Variants in VPS26A observed in about 807,000 individuals in gnomAD.
VPS26A encodes the protein VPS26 retromer complex component A.
In VPS26A, 22 loss-of-function variants were observed where a neutral mutation model predicts 42.4. The ratio of observed to expected loss-of-function variants is 0.52; its 90% CI spans 0.37 to 0.74. VPS26A has a LOEUF of 0.74. Ranked by LOEUF, VPS26A falls within the 30% of genes least tolerant of loss-of-function variation. The pLI is 0.00. For missense variants in VPS26A, 276 were observed against 379.2 expected, an observed-to-expected ratio of 0.73 and a Z score of 2.26; for synonymous variants, 110 against 123.5, an observed-to-expected ratio of 0.89 and a Z score of 0.73.
In VPS26A at chr10:69,124,258, A is replaced by T; in HGVS notation, c.-20A>T. ...AGGGAAGAGGAGTGGAGTAGGGGGG[A>T]CGCGGCGGCGGCGTTGACAATGGTG... On this transcript the variant is annotated 5_prime_UTR_variant, in exon 1 of 9. Coordinates refer to ENST00000263559, the MANE Select transcript of VPS26A (RefSeq NM_004896.5). The T allele has an allele frequency of 3.1e-6, 4 of 1,282,158 alleles. No individual in the cohort carries two copies. The highest frequency in any genetic ancestry group is 3.0e-6 in the Non-Finnish European group (3 of 1,009,124). The allele number at this position is 1,282,158 out of a possible 1,614,324, so 79.4% of individuals were successfully genotyped here.
chr10:69,149,593 C>T (rs1841245760), intron 2 of VPS26A, among the ~76,000 whole-genome samples: 1 of 151,974 alleles, frequency 6.6e-6, no homozygotes, highest in African/African-American at 2.4e-5. Context: ...TAGCCACAAA[C>T]TACTGAGCTC....
In VPS26A at chr10:69,173,202, A is replaced by G. The variant is rs1841854213; in HGVS notation, c.*1933A>G. ...GAAAAAGAAATTTGTGTCTTTAATGAAGAGTTACAATGTCTAATCCATTGG... is the reference window on the plus strand; with the variant it reads ...GAAAAAGAAATTTGTGTCTTTAATGGAGAGTTACAATGTCTAATCCATTGG... On this transcript the variant is annotated 3_prime_UTR_variant, in exon 9 of 9. Coordinates refer to ENST00000263559, the MANE Select transcript of VPS26A (RefSeq NM_004896.5). 2.6e-5 allele frequency among the ~76,000 whole-genome samples: 4 copies of G among 152,218 alleles called. No individual in the cohort carries two copies. Among genetic ancestry groups the G allele is most frequent in the Admixed American group, 2.6e-4 (4 of 15,288 alleles).
rs572025643 is a variant in VPS26A, at chr10:69,135,631, A to G, written c.153+2584A>G. 4.6e-5 allele frequency among the ~76,000 whole-genome samples: 7 copies of G among 152,254 alleles called. 1 individual carries two copies. Among genetic ancestry groups the G allele is most frequent in the African/African-American group, 1.7e-4 (7 of 41,572 alleles). On this transcript the variant is annotated intron_variant, in intron 2 of 8. Coordinates refer to ENST00000263559, the MANE Select transcript of VPS26A (RefSeq NM_004896.5). Reference sequence around the variant, plus strand: ...TTACATTTTGGCATTGCTGGAAACCATACGTAGACCTGATCAACTATGGAT... The same window carrying G: ...TTACATTTTGGCATTGCTGGAAACCGTACGTAGACCTGATCAACTATGGAT...
At chr10:69,152,709 C>T (rs2894076) in intron 2 of VPS26A, among the ~76,000 whole-genome samples, 23,900 of 152,096 alleles carry the variant, frequency 0.16, 2,518 homozygotes, top group Non-Finnish European at 0.22. Flanking sequence ...GTGGCTCATG[C>T]CTGTAATCCC....
In VPS26A at chr10:69,157,110, T is replaced by C; in HGVS notation, c.333T>C (p.Phe111=). The change falls in exon 4 of 9, where the codon TTT becomes TTC. Residue 111 remains phenylalanine, a synonymous_variant. Transcript: ENST00000263559. ...AGAGCAGAAGTTATGATTTTGAATT[T>C]ATGCAAGTTGAAAAGCCATATGAAT... ...LTQSRSYDFE[F]MQVEKPYESY... The C allele has an allele frequency of 1.2e-6, 2 of 1,613,648 alleles. No individual in the cohort carries two copies. The highest frequency in any genetic ancestry group is 2.2e-5 in the South Asian group (2 of 91,048).
intron 2 of VPS26A, among the ~76,000 whole-genome samples, chr10:69,140,605 G>A (rs7092243): frequency 4.6e-5 from 7 of 151,712 alleles, no homozygotes; most frequent in African/African-American, 1.5e-4. Context: ...GGCTGGTTTC[G>A]AGCTCCTGAG....
chr10:69,130,680 C>T (rs571017719), intron 1 of VPS26A, among the ~76,000 whole-genome samples: 1 of 152,316 alleles, frequency 6.6e-6, no homozygotes, highest in South Asian at 2.1e-4. Context: ...TACTAGCAGC[C>T]AGAAGCTCCC....
chr10:69,146,227 T>C (rs570267230), intron 2 of VPS26A, among the ~76,000 whole-genome samples: 1 of 152,152 alleles, frequency 6.6e-6, no homozygotes, highest in African/African-American at 2.4e-5. Flanking sequence ...TCCGAGTAGC[T>C]GGGATTACAG....
At chr10:69,162,922 G>A (rs1841591946) in intron 6 of VPS26A, among the ~76,000 whole-genome samples, 1 of 152,026 alleles carries the variant, frequency 6.6e-6, no homozygotes, top group South Asian at 2.1e-4. Context: ...GGACAACAGA[G>A]TGAGACCATT....
chr10:69,140,121 G>A (rs1841008907), intron 2 of VPS26A, among the ~76,000 whole-genome samples: 1 of 150,922 alleles, frequency 6.6e-6, no homozygotes, highest in African/African-American at 2.4e-5. Flanking sequence ...AGGCTGGAAT[G>A]CAGTGGCATG....
chr10:69,161,700 A>C (rs1841565656), intron 5 of VPS26A: 6 of 389,042 alleles, frequency 1.5e-5, no homozygotes. Flanking sequence ...GGGGTTCAGC[A>C]CAAAGGGCCT....
chr10:69,133,450 T>C, intron 2 of VPS26A: 2 of 794,436 alleles, frequency 2.5e-6, no homozygotes, highest in Non-Finnish European at 3.4e-6. Context: ...TTCTCTGGTA[T>C]AACTTTCTAA....
At chr10:69,153,412 T>G (rs1284860191) in intron 2 of VPS26A, among the ~76,000 whole-genome samples, 1 of 152,002 alleles carries the variant, frequency 6.6e-6, no homozygotes, top group Non-Finnish European at 1.5e-5. Context: ...GGTGTAATCT[T>G]AGCTCATTGC....
At chr10:69,125,307 A>C (rs370430898) in intron 1 of VPS26A, among the ~76,000 whole-genome samples, 2 of 139,682 alleles carry the variant, frequency 1.4e-5, no homozygotes, top group East Asian at 2.0e-4. Context: ...CCAGACATTC[A>C]TGTTCATTCT....
rs569418115 is a variant in VPS26A, at chr10:69,147,740, G to A, written c.154-8072G>A. ...TTTTTTATTTTTATTTTTTGACAGA[G>A]TCCTGCTCTGTCGCCAGGCTGGAGT... On this transcript the variant is annotated intron_variant, in intron 2 of 8. Coordinates refer to ENST00000263559, the MANE Select transcript of VPS26A (RefSeq NM_004896.5). Among the ~76,000 whole-genome samples the A allele has an allele frequency of 5.3e-5, 8 of 152,018 alleles. No homozygotes were observed. In the South Asian group the frequency reaches 1.7e-3, roughly 32 times the overall value.
In VPS26A at chr10:69,137,862, G is replaced by GATATATATAT. The variant is rs745881334; in HGVS notation, c.153+4826_153+4835dup. ...TTTTTCTTTTTTTAAGCTGTATTGAGATATATATATATATATATATTCGCC... is the reference window on the plus strand; with the variant it reads ...TTTTTCTTTTTTTAAGCTGTATTGAGATATATATATATATATATATATATATATATTCGCC... On this transcript the variant is annotated intron_variant, in intron 2 of 8. Coordinates refer to ENST00000263559, the MANE Select transcript of VPS26A (RefSeq NM_004896.5). Among the ~76,000 whole-genome samples, 271 of 144,856 alleles carry GATATATATAT rather than the reference G, an allele frequency of 1.9e-3. 9 individuals are homozygous for GATATATATAT. Among genetic ancestry groups the GATATATATAT allele is most frequent in the African/African-American group, 7.0e-3 (258 of 36,822 alleles).
chr10:69,131,137 C>T (rs903445036), intron 1 of VPS26A, among the ~76,000 whole-genome samples: 15 of 152,160 alleles, frequency 9.9e-5, no homozygotes, highest in African/African-American at 2.7e-4. Flanking sequence ...AGGCATGCAC[C>T]ACCATGCCCG....
chr10:69,125,366 G>C (rs527522858), intron 1 of VPS26A, among the ~76,000 whole-genome samples: 49 of 152,206 alleles, frequency 3.2e-4, no homozygotes, highest in South Asian at 2.3e-3. Context: ...GGTGTGCCTA[G>C]GGGACCCCAG....
intron 2 of VPS26A, among the ~76,000 whole-genome samples, chr10:69,149,734 GTTTTTTTTTTTTTTTTT>G (rs869048277): frequency 1.4e-4 from 3 of 21,364 alleles, no homozygotes; most frequent in Admixed American, 6.6e-4. Flanking sequence ...GGTGTTTTTT[GTTTTTTTTTTTTTTTTT>G]TTTTTTTTTT....
Sources: allele counts gnomAD v4.1 joint callset (sites outside exome capture counted in the v4.1 genomes callset), GRCh38; gene constraint gnomAD v4.1.1; transcripts MANE v1.5; gene names NCBI Gene and HGNC (gene_info 2026-07-23, HGNC 2026-07-21).